Variants in LYZL1 observed in about 807,000 individuals in gnomAD.
LYZL1 encodes lysozyme like 1, also known as lysozyme-like protein 1.
LYZL1 carries 16 observed loss-of-function variants against 17.9 expected under a neutral mutation model. The observed-to-expected ratio is 0.90, with a 90% confidence interval of 0.61 to 1.36. The LOEUF (loss-of-function observed/expected upper bound fraction) is 1.36. Among genes scored for constraint, LYZL1 ranks in the 40% most tolerant of loss-of-function variants. LYZL1 has a pLI of 0.00. For missense variants in LYZL1, 149 were observed against 188.4 expected (o/e 0.79, Z 1.22); for synonymous variants, 58 against 71.8 (o/e 0.81, Z 0.97).
At chr10:29,294,233 C>G (rs1835416770) in intron 3 of LYZL1, among the ~76,000 whole-genome samples, 1 of 152,118 alleles carries the variant, frequency 6.6e-6, no homozygotes, top group Non-Finnish European at 1.5e-5. Flanking sequence ...TAACGACCAT[C>G]TGAGTGTGAA....
rs374025553 is a variant in LYZL1 at position 29,302,339 on chromosome 10, T to C, written c.299-7771T>C. On this transcript the variant is annotated intron_variant, in intron 3 of 4. Transcript: ENST00000649382. ...AAAAGAAAAAGAATATTTTGTAAGT[T>C]AGGTGCAGAATGGACAGTACACCCT... 2.6e-5 allele frequency among the ~76,000 whole-genome samples: 4 copies of C among 152,278 alleles called. No individual in the cohort carries two copies. In the East Asian group the frequency reaches 5.8e-4, roughly 22 times the overall value.
At chr10:29,301,501 A>T (rs986934076) in intron 3 of LYZL1, among the ~76,000 whole-genome samples, 24 of 152,250 alleles carry the variant, frequency 1.6e-4, no homozygotes, top group African/African-American at 5.5e-4. Context: ...TCAAATTGTT[A>T]AAGATATTCC....
At chr10:29,289,417 C>CTTT (rs11347424) in intron 1 of LYZL1, among the ~76,000 whole-genome samples, 187 bp downstream of exon 1, 2 of 128,732 alleles carry the variant, frequency 1.6e-5, no homozygotes, top group African/African-American at 6.1e-5. Context: ...TTTTTCTTTT[C>CTTT]TTTTTTTTTT....
intron 3 of LYZL1, among the ~76,000 whole-genome samples, chr10:29,297,112 A>C (rs890558516): frequency 4.6e-5 from 7 of 151,956 alleles, no homozygotes; most frequent in African/African-American, 1.4e-4. Flanking sequence ...GAGAAAAAGG[A>C]AACATTCAGA....
chr10:29,298,230 G>A (rs180984212), intron 3 of LYZL1, among the ~76,000 whole-genome samples: 1 of 152,288 alleles, frequency 6.6e-6, no homozygotes, highest in Admixed American at 6.5e-5. Context: ...TGCCCAATGA[G>A]GAATGGAAAG....
At chr10:29,295,427 C>A (rs1288694084) in intron 3 of LYZL1, among the ~76,000 whole-genome samples, 1 of 152,146 alleles carries the variant, frequency 6.6e-6, no homozygotes, top group Non-Finnish European at 1.5e-5. Flanking sequence ...ACTTTTGAAC[C>A]CTTCTCTGTC....
At chr10:29,305,494 A>C (rs760003458) in intron 3 of LYZL1, among the ~76,000 whole-genome samples, 3 of 152,208 alleles carry the variant, frequency 2.0e-5, no homozygotes, top group African/African-American at 7.2e-5. Flanking sequence ...ATGGTTGTTC[A>C]GAGAACTGAT....
intron 3 of LYZL1, chr10:29,317,293 C>T (rs1475378684): frequency 6.6e-6 from 1 of 152,144 alleles, no homozygotes; most frequent in African/African-American, 2.4e-5. Context: ...TGTTTATTCT[C>T]CTCTGAACCT....
chr10:29,309,626 A>G (rs981327893), intron 3 of LYZL1, among the ~76,000 whole-genome samples: 23 of 151,960 alleles, frequency 1.5e-4, no homozygotes, highest in African/African-American at 5.6e-4. Flanking sequence ...GCTCCTGAGT[A>G]GTTGGGACTA....
At chr10:29,310,772 G>A (rs1835660509) in intron 4 of LYZL1, among the ~76,000 whole-genome samples, 1 of 152,224 alleles carries the variant, frequency 6.6e-6, no homozygotes, top group African/African-American at 2.4e-5. Context: ...CCTTACAAAA[G>A]TTGATTGCTT....
At chr10:29,312,898 T>C (rs1319483482), downstream of LYZL1, among the ~76,000 whole-genome samples, 1 of 152,202 alleles carries the variant, frequency 6.6e-6, no homozygotes, top group Non-Finnish European at 1.5e-5. Context: ...CTTCAATTGA[T>C]GTTTGTTGGA....
At chr10:29,315,836 G>A (rs1835724109), downstream of LYZL1, among the ~76,000 whole-genome samples, 1 of 148,108 alleles carries the variant, frequency 6.8e-6, no homozygotes, top group Non-Finnish European at 1.5e-5. Context: ...GCAACAGAGT[G>A]AAACACTGTC....
intron 3 of LYZL1, among the ~76,000 whole-genome samples, chr10:29,295,839 T>C (rs1835439890): frequency 6.6e-6 from 1 of 152,150 alleles, no homozygotes; most frequent in African/African-American, 2.4e-5. Context: ...TCAAGGGGTG[T>C]GAGTGGTCCC....
At chr10:29,304,939 C>A (rs1408075095) in intron 3 of LYZL1, among the ~76,000 whole-genome samples, 1 of 152,166 alleles carries the variant, frequency 6.6e-6, no homozygotes, top group Non-Finnish European at 1.5e-5. Flanking sequence ...ACTTCCTGGT[C>A]CAATATGGCC....
intron 3 of LYZL1, among the ~76,000 whole-genome samples, chr10:29,303,069 C>A (rs368469690): frequency 6.6e-6 from 1 of 152,138 alleles, no homozygotes; most frequent in African/African-American, 2.4e-5. Flanking sequence ...TCCAGCCCCG[C>A]GAGGTCTGTA....
chr10:29,310,209 G>T (rs1298115091), intron 4 of LYZL1, 21 bp downstream of exon 4: 2 of 1,564,346 alleles, frequency 1.3e-6, no homozygotes, highest in Non-Finnish European at 1.8e-6. Flanking sequence ...TTTCTTGGGA[G>T]ACTTGTGCTG....
intron 1 of LYZL1, among the ~76,000 whole-genome samples, chr10:29,291,197 T>C (rs558312487): frequency 2.0e-5 from 3 of 152,334 alleles, no homozygotes; most frequent in Non-Finnish European, 2.9e-5. Context: ...AATAAACACA[T>C]ATTTTTTATG....
intron 3 of LYZL1, among the ~76,000 whole-genome samples, chr10:29,309,735 A>T (rs1192097466): frequency 6.6e-6 from 1 of 152,128 alleles, no homozygotes; most frequent in Non-Finnish European, 1.5e-5. Context: ...GCCTCAAGGG[A>T]TGCTCCCACC....
downstream of LYZL1, among the ~76,000 whole-genome samples, chr10:29,315,149 T>C (rs1835714594): frequency 1.3e-5 from 2 of 152,248 alleles, no homozygotes; most frequent in African/African-American, 4.8e-5. Context: ...TCTGGATGTC[T>C]AAAACTGGAA....
Sources: gnomAD v4.1 joint callset for allele counts (sites outside exome capture counted in the v4.1 genomes callset) on GRCh38, gnomAD v4.1.1 for gene constraint, MANE v1.5 for transcripts, NCBI Gene and HGNC (gene_info 2026-07-23, HGNC 2026-07-21) for gene names.